PPM1H: variants seen among roughly 807,000 people sequenced by gnomAD.
PPM1H encodes protein phosphatase 1H.
In PPM1H, 27 loss-of-function variants were observed where a neutral mutation model predicts 54.9. That is an observed-to-expected ratio of 0.49 (90% CI 0.36 to 0.68). PPM1H has a LOEUF of 0.68. Among genes scored for constraint, PPM1H ranks in the 30% least tolerant of loss-of-function variants. PPM1H has a pLI of 0.00. For missense variants in PPM1H, 596 were observed against 667.8 expected, an observed-to-expected ratio of 0.89 and a Z score of 1.19; for synonymous variants, 305 against 270.8, an observed-to-expected ratio of 1.13 and a Z score of -1.24.
intron 9 of PPM1H, among the ~76,000 whole-genome samples, chr12:62,653,623 G>A (rs900517981): frequency 6.6e-6 from 1 of 152,208 alleles, no homozygotes; most frequent in African/African-American, 2.4e-5. Context: ...TTTTCATGGT[G>A]AGTGTGAAGA....
rs367986799 is a variant in PPM1H, at chr12:62,678,408, T to A, written c.1246-11079A>T. 4.6e-5 allele frequency among the ~76,000 whole-genome samples: 7 copies of A among 152,370 alleles called. 1 individual carries two copies. ...CCAATGAGAGGAAATGTTTGACACATACAGGTTGGTTTCTGTTGTGTGACC... is the reference window on the plus strand; with the variant it reads ...CCAATGAGAGGAAATGTTTGACACAAACAGGTTGGTTTCTGTTGTGTGACC... On this transcript the variant is annotated intron_variant, in intron 8 of 9. Coordinates refer to ENST00000228705, the MANE Select transcript of PPM1H (RefSeq NM_020700.2).
intron 9 of PPM1H, chr12:62,658,964 T>C (rs1343955770): frequency 2.8e-6 from 2 of 710,076 alleles, no homozygotes; most frequent in Admixed American, 1.8e-5. Context: ...TCATAGAAGG[T>C]TCAAAGGCTA....
chr12:62,689,579 A>G (rs369350724), intron 8 of PPM1H, 120 bp downstream of exon 8: 7 of 673,132 alleles, frequency 1.0e-5, no homozygotes, highest in Non-Finnish European at 1.8e-5. Context: ...CGTGAGAGAT[A>G]CAGTGGAAGT....
At chr12:62,875,355 C>G (rs1017216369) in intron 1 of PPM1H, among the ~76,000 whole-genome samples, 4 of 152,144 alleles carry the variant, frequency 2.6e-5, no homozygotes, top group African/African-American at 9.7e-5. Context: ...AGTGAGCTTG[C>G]TCTGATCTTA....
chr12:62,727,085 T>C (rs1469381597), intron 5 of PPM1H, among the ~76,000 whole-genome samples: 1 of 152,068 alleles, frequency 6.6e-6, no homozygotes, highest in African/African-American at 2.4e-5. Context: ...CAGCAAATTT[T>C]TGTATTTTTA....
At chr12:62,868,429 A>G (rs1405961248) in intron 1 of PPM1H, among the ~76,000 whole-genome samples, 2 of 152,142 alleles carry the variant, frequency 1.3e-5, no homozygotes, top group Non-Finnish European at 2.9e-5. Flanking sequence ...GCAGTGAAGA[A>G]CCTGGGTTAA....
intron 4 of PPM1H, among the ~76,000 whole-genome samples, chr12:62,739,574 C>T (rs2076371052): frequency 6.6e-6 from 1 of 152,158 alleles, no homozygotes; most frequent in Admixed American, 6.5e-5. Flanking sequence ...CTGCACGGCC[C>T]CTGAATTGCA....
intron 1 of PPM1H, chr12:62,840,095 TA>T: frequency 1.6e-5 from 2 of 124,648 alleles, no homozygotes; most frequent in Admixed American, 1.5e-4. Flanking sequence ...GCGAGAGAAA[TA>T]AAAAACAAAA....
At chr12:62,928,830 A>G (rs546608836) in intron 1 of PPM1H, among the ~76,000 whole-genome samples, 2 of 151,846 alleles carry the variant, frequency 1.3e-5, no homozygotes, top group Non-Finnish European at 2.9e-5. Context: ...GACCCCTCAC[A>G]CTCTACTCTT....
intron 4 of PPM1H, among the ~76,000 whole-genome samples, chr12:62,782,631 C>G (rs193257768): frequency 4.6e-5 from 7 of 152,312 alleles, no homozygotes; most frequent in South Asian, 2.1e-4. Context: ...AGGAGACTCT[C>G]AAGCATGAGA....
chr12:62,930,662 G>A (rs1872104039), intron 1 of PPM1H, among the ~76,000 whole-genome samples: 1 of 152,136 alleles, frequency 6.6e-6, no homozygotes, highest in South Asian at 2.1e-4. Flanking sequence ...CCTCCACTTG[G>A]GTGGTATTTG....
intron 1 of PPM1H, among the ~76,000 whole-genome samples, chr12:62,905,154 A>G (rs1475024491): frequency 6.6e-6 from 1 of 152,244 alleles, no homozygotes; most frequent in African/African-American, 2.4e-5. Context: ...TAAATGAGAC[A>G]GTATTGGTAG....
At chr12:62,690,692 C>T (rs929955474) in intron 7 of PPM1H, among the ~76,000 whole-genome samples, 1 of 152,204 alleles carries the variant, frequency 6.6e-6, no homozygotes, top group Non-Finnish European at 1.5e-5. Flanking sequence ...AAACTTGGGG[C>T]CACGTGCGGT....
chr12:62,912,598 A>G (rs776184695), intron 1 of PPM1H, among the ~76,000 whole-genome samples: 1 of 152,222 alleles, frequency 6.6e-6, no homozygotes, highest in Non-Finnish European at 1.5e-5. Flanking sequence ...ACCTTCTACT[A>G]TGATATCCCA....
At chr12:62,658,956 A>C in intron 9 of PPM1H, 2 of 705,448 alleles carry the variant, frequency 2.8e-6, no homozygotes, top group South Asian at 2.7e-5. Flanking sequence ...AACAGGGCTC[A>C]TAGAAGGTTC....
rs188100907 is a variant in PPM1H at position 62,821,896 on chromosome 12, C to T, written c.411+10218G>A. On this transcript the variant is annotated intron_variant, in intron 2 of 9. Transcript: ENST00000228705. The stretch of plus-strand genomic sequence containing the variant: ...AGCTAACATCCTAATGACAGGATCA[C>T]ATTCACACATATTAACCTTGAATGT... Among the ~76,000 whole-genome samples the T allele has an allele frequency of 2.1e-4, 32 of 152,232 alleles. No individual in the cohort carries two copies. In the East Asian group the frequency reaches 5.8e-3, roughly 28 times the overall value.
chr12:62,866,606 A>G (rs1280051881), intron 1 of PPM1H, among the ~76,000 whole-genome samples: 2 of 152,136 alleles, frequency 1.3e-5, no homozygotes, highest in Non-Finnish European at 2.9e-5. Context: ...CACAGGAGTG[A>G]GCCATTTCAG....
At chr12:62,700,843 A>C (rs1411981214) in intron 6 of PPM1H, among the ~76,000 whole-genome samples, 2 of 152,228 alleles carry the variant, frequency 1.3e-5, no homozygotes, top group African/African-American at 2.4e-5. Flanking sequence ...ATTGCGATCT[A>C]AATAAAAGCC....
intron 2 of PPM1H, among the ~76,000 whole-genome samples, chr12:62,826,374 G>C (rs1382649884): frequency 3.9e-5 from 6 of 152,170 alleles, no homozygotes; most frequent in Non-Finnish European, 8.8e-5. Flanking sequence ...GCTTGAACCT[G>C]GGAGGCAAAG....
Sources: gnomAD v4.1 joint callset for allele counts (sites outside exome capture counted in the v4.1 genomes callset) on GRCh38, gnomAD v4.1.1 for gene constraint, MANE v1.5 for transcripts, NCBI Gene and HGNC (gene_info 2026-07-23, HGNC 2026-07-21) for gene names.